SLC35F1: variants seen among roughly 807,000 people sequenced by gnomAD.
The protein encoded by SLC35F1 is solute carrier family 35 member F1.
In SLC35F1, 14 loss-of-function variants were observed where a neutral mutation model predicts 48.7. That is an observed-to-expected ratio of 0.29 (90% CI 0.19 to 0.45). The LOEUF (loss-of-function observed/expected upper bound fraction) is 0.45. Among genes scored for constraint, SLC35F1 ranks in the 20% least tolerant of loss-of-function variants. The pLI, the probability that SLC35F1 is intolerant of heterozygous loss-of-function variation, is 1.00. For missense variants in SLC35F1, 404 were observed against 500.0 expected (o/e 0.81, Z 1.83); for synonymous variants, 190 against 202.2 (o/e 0.94, Z 0.51).
chr6:118,044,216 A>G (rs552218960), intron 1 of SLC35F1, among the ~76,000 whole-genome samples: 1 of 152,286 alleles, frequency 6.6e-6, no homozygotes, highest in African/African-American at 2.4e-5. Context: ...CATTGCACCC[A>G]TCATCCATAG....
chr6:118,137,393 C>G (rs1276528015), intron 1 of SLC35F1, among the ~76,000 whole-genome samples: 1 of 152,190 alleles, frequency 6.6e-6, no homozygotes, highest in Non-Finnish European at 1.5e-5. Context: ...CAGATTTTCA[C>G]AAGACAAATT....
intron 7 of SLC35F1, among the ~76,000 whole-genome samples, chr6:118,295,412 A>G (rs117063888): frequency 2.8e-3 from 429 of 152,320 alleles, no homozygotes; most frequent in Non-Finnish European, 3.2e-3. Context: ...CTAAAACTTT[A>G]GTAGACAGCA....
At chr6:117,913,992 A>C (rs959514434) in intron 1 of SLC35F1, among the ~76,000 whole-genome samples, 3 of 152,152 alleles carry the variant, frequency 2.0e-5, no homozygotes, top group Admixed American at 6.5e-5. Flanking sequence ...CAGATGTTGC[A>C]GTGAGCCAAG....
At chr6:118,025,517 C>T (rs562940259) in intron 1 of SLC35F1, among the ~76,000 whole-genome samples, 2 of 152,144 alleles carry the variant, frequency 1.3e-5, no homozygotes, top group African/African-American at 4.8e-5. Context: ...GGAAGGAAGT[C>T]ACCATGTACA....
intron 2 of SLC35F1, among the ~76,000 whole-genome samples, chr6:118,234,361 T>C (rs532094845): frequency 6.6e-6 from 1 of 151,934 alleles, no homozygotes; most frequent in African/African-American, 2.4e-5. Context: ...ATCTTTGGTG[T>C]TCTCTCTCTC....
chr6:118,281,481 A>T (rs1775984313), intron 6 of SLC35F1, among the ~76,000 whole-genome samples: 1 of 152,014 alleles, frequency 6.6e-6, no homozygotes, highest in Non-Finnish European at 1.5e-5. Flanking sequence ...ACTGGATTCC[A>T]GTCAGTTTTG....
At chr6:118,140,762 A>G (rs1773876878) in intron 1 of SLC35F1, among the ~76,000 whole-genome samples, 1 of 152,196 alleles carries the variant, frequency 6.6e-6, no homozygotes, top group African/African-American at 2.4e-5. Flanking sequence ...AGACAGTGAT[A>G]TTGATGACCT....
intron 1 of SLC35F1, among the ~76,000 whole-genome samples, chr6:117,947,094 A>G (rs1776304614): frequency 6.6e-6 from 1 of 152,234 alleles, no homozygotes; most frequent in Non-Finnish European, 1.5e-5. Context: ...GAAGGGTAAT[A>G]TAAAGTATGG....
intron 1 of SLC35F1, among the ~76,000 whole-genome samples, chr6:118,068,204 A>G (rs560703478): frequency 9.2e-5 from 14 of 152,268 alleles, no homozygotes; most frequent in Admixed American, 5.9e-4. Context: ...CTCAGTCCCC[A>G]GACTCACCAA....
Position 118,030,586 on chromosome 6 carries a change from G to A in SLC35F1, c.173+122687G>A, listed in dbSNP as rs193279920. On this transcript the variant is annotated intron_variant, in intron 1 of 7. Transcript: ENST00000360388. ...GTTGAGTTTCATCCAGGAGTCTGGGGGCAATAAAGGAAGAGTGTAAAGATC... is the reference window on the plus strand; with the variant it reads ...GTTGAGTTTCATCCAGGAGTCTGGGAGCAATAAAGGAAGAGTGTAAAGATC... Among the ~76,000 whole-genome samples, 27 of 152,230 alleles carry A rather than the reference G, an allele frequency of 1.8e-4. 1 individual carries two copies. In the South Asian group the frequency reaches 2.9e-3, roughly 16 times the overall value.
At chr6:118,237,949 T>C (rs1174548415) in intron 3 of SLC35F1, among the ~76,000 whole-genome samples, 2 of 152,204 alleles carry the variant, frequency 1.3e-5, no homozygotes, top group Admixed American at 6.5e-5. Flanking sequence ...AGTGTTCTCT[T>C]TATGTATATC....
intron 1 of SLC35F1, among the ~76,000 whole-genome samples, chr6:118,098,305 C>T (rs376166264): frequency 1.3e-5 from 2 of 152,152 alleles, no homozygotes; most frequent in African/African-American, 2.4e-5. Flanking sequence ...AATCAGAATA[C>T]GTAACCCATA....
intron 2 of SLC35F1, among the ~76,000 whole-genome samples, chr6:118,188,246 A>G (rs1250418151): frequency 2.0e-5 from 3 of 152,192 alleles, no homozygotes; most frequent in Non-Finnish European, 2.9e-5. Flanking sequence ...AGTGAAAGAA[A>G]ATCACAGTAT....
At chr6:118,288,013 T>TTG (rs71966806) in intron 7 of SLC35F1, among the ~76,000 whole-genome samples, 54,092 of 109,814 alleles carry the variant, frequency 0.49, 9,879 homozygotes, top group African/African-American at 0.57. Context: ...TGATTTGGGT[T>TTG]TTTTTTTTTT....
chr6:118,128,569 C>A (rs955401653), intron 1 of SLC35F1, among the ~76,000 whole-genome samples: 17 of 152,042 alleles, frequency 1.1e-4, no homozygotes, highest in Admixed American at 3.9e-4. Context: ...GGACAAAAAA[C>A]CAAACACCGC....
chr6:117,908,397 G>C (rs1046450636), intron 1 of SLC35F1, among the ~76,000 whole-genome samples: 1 of 152,202 alleles, frequency 6.6e-6, no homozygotes, highest in South Asian at 2.1e-4. Flanking sequence ...GGGTCGCAGC[G>C]ACAGCCTAGC....
intron 1 of SLC35F1, among the ~76,000 whole-genome samples, chr6:118,013,476 A>G (rs1020397227): frequency 2.6e-5 from 4 of 152,188 alleles, no homozygotes; most frequent in African/African-American, 9.7e-5. Flanking sequence ...TAGCCAAACC[A>G]ATAAGGGCTT....
intron 2 of SLC35F1, among the ~76,000 whole-genome samples, chr6:118,196,454 G>A (rs1452054951): frequency 6.6e-6 from 1 of 152,146 alleles, no homozygotes; most frequent in African/African-American, 2.4e-5. Context: ...AGTGGCTTAT[G>A]CCTGTAATCC....
At chr6:118,146,815 A>G (rs574434118) in intron 1 of SLC35F1, among the ~76,000 whole-genome samples, 2 of 152,316 alleles carry the variant, frequency 1.3e-5, no homozygotes, top group Admixed American at 1.3e-4. Flanking sequence ...CACATAATAA[A>G]TGAATAAACA....
Sources: gnomAD v4.1 joint callset for allele counts (sites outside exome capture counted in the v4.1 genomes callset) on GRCh38, gnomAD v4.1.1 for gene constraint, MANE v1.5 for transcripts, NCBI Gene and HGNC (gene_info 2026-07-23, HGNC 2026-07-21) for gene names.